The following TMEM132C variants were observed in gnomAD, a reference collection of about 807,000 sequenced individuals.
The protein encoded by TMEM132C is protein phosphatase 1, regulatory subunit 152.
Under a neutral mutation model 61.4 loss-of-function variants are expected in TMEM132C, and 29 were observed. The ratio of observed to expected loss-of-function variants is 0.47; its 90% CI spans 0.35 to 0.64. TMEM132C has a LOEUF of 0.64. Among genes scored for constraint, TMEM132C ranks in the 30% least tolerant of loss-of-function variants. The pLI, the probability that TMEM132C is intolerant of heterozygous loss-of-function variation, is 0.00. For missense variants in TMEM132C, 1,408 were observed against 1,476.9 expected, an observed-to-expected ratio of 0.95 and a Z score of 0.76; for synonymous variants, 656 against 633.1, an observed-to-expected ratio of 1.04 and a Z score of -0.54.
At chr12:128,444,697 G>GCAATAAATATC (rs1033305120) in intron 2 of TMEM132C, among the ~76,000 whole-genome samples, 10 of 152,182 alleles carry the variant, frequency 6.6e-5, no homozygotes, top group African/African-American at 2.4e-4. Context: ...AAAGATAGTG[G>GCAATAAATATC]CAATAAATAT....
chr12:128,433,784 C>G (rs913038402), intron 2 of TMEM132C, among the ~76,000 whole-genome samples: 12 of 55,300 alleles, frequency 2.2e-4, no homozygotes, highest in African/African-American at 6.5e-4. Flanking sequence ...AGCAAGATCT[C>G]AGAGTCCTCC....
chr12:128,606,195 C>A (rs1361888335), intron 3 of TMEM132C, among the ~76,000 whole-genome samples: 2 of 152,252 alleles, frequency 1.3e-5, no homozygotes, highest in Non-Finnish European at 2.9e-5. Flanking sequence ...AGAATGACTA[C>A]ATGACACACT....
At chr12:128,649,139 C>T (rs1954241633) in intron 4 of TMEM132C, among the ~76,000 whole-genome samples, 1 of 152,348 alleles carries the variant, frequency 6.6e-6, no homozygotes. Flanking sequence ...GATTTATCAG[C>T]AGCTCTCCAG....
chr12:128,644,150 G>T (rs1490475681), intron 4 of TMEM132C, among the ~76,000 whole-genome samples: 2 of 152,184 alleles, frequency 1.3e-5, no homozygotes, highest in African/African-American at 4.8e-5. Context: ...CGCTGGTGGT[G>T]GGAATGCAGT....
At chr12:128,465,856 C>T (rs1188753751) in intron 2 of TMEM132C, among the ~76,000 whole-genome samples, 1 of 152,144 alleles carries the variant, frequency 6.6e-6, no homozygotes, top group East Asian at 1.9e-4. Context: ...TTGCTGATTG[C>T]CTTGCAGCAG....
At chr12:128,623,234 T>C (rs1003997717) in intron 4 of TMEM132C, among the ~76,000 whole-genome samples, 1 of 152,100 alleles carries the variant, frequency 6.6e-6, no homozygotes, top group Non-Finnish European at 1.5e-5. Context: ...ATCTGAACTT[T>C]GGTTTCCCTA....
intron 2 of TMEM132C, among the ~76,000 whole-genome samples, chr12:128,463,147 A>G (rs1036371028): frequency 2.0e-5 from 3 of 152,184 alleles, no homozygotes; most frequent in Admixed American, 6.5e-5. Context: ...GCTACCTCCA[A>G]TTATATATCA....
intron 1 of TMEM132C, among the ~76,000 whole-genome samples, chr12:128,310,502 T>G (rs930255314): frequency 3.3e-5 from 5 of 150,854 alleles, no homozygotes; most frequent in African/African-American, 7.3e-5. Flanking sequence ...GGTGGGGGGG[T>G]TTGCCACACA....
At chr12:128,584,920 C>T (rs1042484095) in intron 3 of TMEM132C, among the ~76,000 whole-genome samples, 1 of 152,184 alleles carries the variant, frequency 6.6e-6, no homozygotes, top group African/African-American at 2.4e-5. Flanking sequence ...GAAGGTGCCA[C>T]GACACCTCAA....
At chr12:128,588,002 C>T (rs367823956) in intron 3 of TMEM132C, among the ~76,000 whole-genome samples, 13 of 152,242 alleles carry the variant, frequency 8.5e-5, no homozygotes, top group South Asian at 4.2e-4. Flanking sequence ...GCACTCAATC[C>T]GGGTCAGACT....
At chr12:128,269,180 A>G (rs1211876000) in intron 1 of TMEM132C, among the ~76,000 whole-genome samples, 1 of 152,128 alleles carries the variant, frequency 6.6e-6, no homozygotes, top group Non-Finnish European at 1.5e-5. Context: ...TGATAAAATG[A>G]CTGAATGGGT....
chr12:128,504,148 A>G (rs76154355), intron 2 of TMEM132C, among the ~76,000 whole-genome samples: 11,612 of 152,192 alleles, frequency 0.076, 509 homozygotes, highest in Middle Eastern at 0.1. Flanking sequence ...GACAGCCCCA[A>G]GCTGTTCATG....
At chr12:128,464,131 A>T (rs1870640239) in intron 2 of TMEM132C, among the ~76,000 whole-genome samples, 1 of 152,228 alleles carries the variant, frequency 6.6e-6, no homozygotes, top group African/African-American at 2.4e-5. Context: ...ACGTCAGGCA[A>T]CAGTTCTCCA....
intron 6 of TMEM132C, among the ~76,000 whole-genome samples, chr12:128,694,774 T>C (rs1186463364): frequency 1.3e-5 from 2 of 152,156 alleles, no homozygotes; most frequent in African/African-American, 4.8e-5. Context: ...TTTGGCCCGA[T>C]GTGGGAGGAA....
intron 2 of TMEM132C, among the ~76,000 whole-genome samples, chr12:128,464,906 A>G (rs1397430657): frequency 6.6e-6 from 1 of 152,096 alleles, no homozygotes; most frequent in Non-Finnish European, 1.5e-5. Context: ...CCACTTAGGG[A>G]CAACGGTGAG....
chr12:128,437,076 C>T (rs1446306487), intron 2 of TMEM132C, among the ~76,000 whole-genome samples: 2 of 151,966 alleles, frequency 1.3e-5, no homozygotes, highest in Non-Finnish European at 2.9e-5. Flanking sequence ...TGTTCTCAAT[C>T]ATAGGTGGGA....
intron 1 of TMEM132C, among the ~76,000 whole-genome samples, chr12:128,389,599 T>A (rs59052852): frequency 0.021 from 3,175 of 152,240 alleles, 42 homozygotes; most frequent in Middle Eastern, 0.044. Context: ...AGCCAATGTG[T>A]TGATCATGGA....
intron 2 of TMEM132C, among the ~76,000 whole-genome samples, chr12:128,543,573 C>T (rs1873839459): frequency 6.6e-6 from 1 of 152,142 alleles, no homozygotes; most frequent in Non-Finnish European, 1.5e-5. Flanking sequence ...ACACACACAG[C>T]CATGACAACT....
intron 3 of TMEM132C, among the ~76,000 whole-genome samples, chr12:128,605,606 G>T (rs960822116): frequency 6.6e-6 from 1 of 152,180 alleles, no homozygotes; most frequent in African/African-American, 2.4e-5. Flanking sequence ...GTGCATTACG[G>T]ATCTGGTGTG....
Sources: allele counts gnomAD v4.1 joint callset (sites outside exome capture counted in the v4.1 genomes callset), GRCh38; gene constraint gnomAD v4.1.1; transcripts MANE v1.5; gene names NCBI Gene and HGNC (gene_info 2026-07-23, HGNC 2026-07-21).